The following MYO3B variants were observed in gnomAD, a reference collection of about 807,000 sequenced individuals.
The protein encoded by MYO3B is myosin-IIIb.
MYO3B carries 156 observed loss-of-function variants against 174.6 expected under a neutral mutation model. The ratio of observed to expected loss-of-function variants is 0.89; its 90% CI spans 0.78 to 1.02. The LOEUF (loss-of-function observed/expected upper bound fraction) is 1.02. Among genes scored for constraint, MYO3B ranks in the 50% least tolerant of loss-of-function variants. The pLI is 0.00. For missense variants in MYO3B, 1,632 were observed against 1,639.4 expected (o/e 1.00, Z 0.08); for synonymous variants, 563 against 569.1 (o/e 0.99, Z 0.15).
rs1004265426 is a variant in MYO3B, at chr2:170,439,742, G to A, written c.2651-4225G>A. On this transcript the variant is annotated intron_variant, in intron 22 of 34. Coordinates refer to ENST00000408978, the MANE Select transcript of MYO3B (RefSeq NM_138995.5). ...GTCGCCCAGGCTGGAATGCAGTGGTGCTATCCCTGTTCACTGCAAGCTCCA... is the reference window on the plus strand; with the variant it reads ...GTCGCCCAGGCTGGAATGCAGTGGTACTATCCCTGTTCACTGCAAGCTCCA... Among the ~76,000 whole-genome samples the A allele has an allele frequency of 2.0e-5, 3 of 152,254 alleles. No individual in the cohort carries two copies. In the East Asian group the frequency reaches 5.8e-4, roughly 29 times the overall value.
intron 25 of MYO3B, among the ~76,000 whole-genome samples, chr2:170,481,958 A>G (rs999108607): frequency 1.3e-5 from 2 of 152,106 alleles, no homozygotes; most frequent in African/African-American, 4.8e-5. Context: ...TACATTACGA[A>G]TGTTATAACC....
intron 24 of MYO3B, among the ~76,000 whole-genome samples, chr2:170,465,416 G>A (rs192092978): frequency 4.6e-4 from 70 of 152,266 alleles, no homozygotes; most frequent in African/African-American, 1.6e-3. Flanking sequence ...ACTCATTGCC[G>A]TGAGGACAGC....
chr2:170,209,393 T>C (rs775525035), intron 3 of MYO3B, among the ~76,000 whole-genome samples: 1 of 152,178 alleles, frequency 6.6e-6, no homozygotes, highest in Non-Finnish European at 1.5e-5. Flanking sequence ...GGGTCAGCAA[T>C]ATTCCAAGCA....
chr2:170,359,774 G>A (rs543485021), intron 8 of MYO3B, among the ~76,000 whole-genome samples: 130 of 152,174 alleles, frequency 8.5e-4, no homozygotes, highest in African/African-American at 3.0e-3. Flanking sequence ...TATTTACTTC[G>A]TCTGCGCTAT....
At chr2:170,214,984 G>C (rs1223016417) in intron 5 of MYO3B, among the ~76,000 whole-genome samples, 156 bp downstream of exon 5, 1 of 152,110 alleles carries the variant, frequency 6.6e-6, no homozygotes, top group African/African-American at 2.4e-5. Flanking sequence ...GGCTCCAGAT[G>C]GATCACCCTA....
intron 3 of MYO3B, among the ~76,000 whole-genome samples, chr2:170,203,538 C>A (rs1162641736): frequency 6.7e-6 from 1 of 149,524 alleles, no homozygotes; most frequent in Non-Finnish European, 1.5e-5. Context: ...AGACAGCAGA[C>A]AGAGAGACCG....
intron 13 of MYO3B, among the ~76,000 whole-genome samples, chr2:170,386,727 G>A (rs1335474718): frequency 6.6e-6 from 1 of 152,194 alleles, no homozygotes; most frequent in African/African-American, 2.4e-5. Context: ...CTGAATTAGT[G>A]TACTAGGTGA....
In MYO3B at chr2:170,499,643, C is replaced by T; in HGVS notation, c.3127-3C>T. On this transcript the variant is annotated splice_polypyrimidine_tract_variant and splice_region_variant and intron_variant, in intron 26 of 34. Coordinates refer to ENST00000408978, the MANE Select transcript of MYO3B (RefSeq NM_138995.5). ...TAATGCTAAAACTACTGTCTCGTTT[C>T]AGGTTTTTCTCAAATATTACCATGT... 1 of 1,613,868 alleles carries T rather than the reference C, an allele frequency of 6.2e-7. No individual in the cohort carries two copies. The highest frequency in any genetic ancestry group is 8.5e-7 in the Non-Finnish European group (1 of 1,179,840).
chr2:170,420,130 G>A (rs1209014334), intron 22 of MYO3B, among the ~76,000 whole-genome samples: 1 of 152,148 alleles, frequency 6.6e-6, no homozygotes, highest in Non-Finnish European at 1.5e-5. Context: ...GGAGGTGGCA[G>A]TGAGCCAAGA....
chr2:170,611,559 G>C (rs1199822162), intron 32 of MYO3B, among the ~76,000 whole-genome samples: 9 of 152,214 alleles, frequency 5.9e-5, no homozygotes, highest in Non-Finnish European at 2.9e-5. Flanking sequence ...GAAATCAGGA[G>C]TAGTTCAGTG....
At chr2:170,572,724 G>A (rs1247049857) in intron 32 of MYO3B, among the ~76,000 whole-genome samples, 1 of 151,966 alleles carries the variant, frequency 6.6e-6, no homozygotes, top group Admixed American at 6.6e-5. Context: ...CAACATGGCA[G>A]ATATTCCACT....
intron 32 of MYO3B, among the ~76,000 whole-genome samples, chr2:170,633,436 A>C (rs867394119): frequency 1.1e-4 from 17 of 151,954 alleles, no homozygotes; most frequent in Middle Eastern, 3.4e-3. Flanking sequence ...CATGCTAAAA[A>C]CTCTCAATAA....
chr2:170,421,601 A>G (rs201802490), intron 22 of MYO3B, among the ~76,000 whole-genome samples: 2 of 152,208 alleles, frequency 1.3e-5, no homozygotes, highest in East Asian at 3.9e-4. Context: ...TGGGAGGACC[A>G]GAAGCTTTAT....
intron 14 of MYO3B, among the ~76,000 whole-genome samples, chr2:170,389,876 C>T (rs1320316123): frequency 3.3e-5 from 5 of 152,118 alleles, no homozygotes; most frequent in Admixed American, 1.3e-4. Context: ...TACCGTTATT[C>T]TCCATCACCA....
At chr2:170,190,508 C>G (rs2092527294) in intron 1 of MYO3B, among the ~76,000 whole-genome samples, 1 of 152,146 alleles carries the variant, frequency 6.6e-6, no homozygotes, top group African/African-American at 2.4e-5. Context: ...AGTCAGAAAC[C>G]TTAGGGATGT....
At position 170,437,671 on chromosome 2, in the gene MYO3B, T is replaced by C. The variant is rs78083550; in HGVS notation, c.2651-6296T>C. Among the ~76,000 whole-genome samples, 7 of 152,340 alleles carry C rather than the reference T, an allele frequency of 4.6e-5. No individual in the cohort carries two copies. The East Asian group carries it at 1.3e-3, about 29-fold the overall frequency. ...ACTAAAACTTACATTAAGTAAATTT[T>C]TATGCTTTTCACTTAGTAATCTGTC... On this transcript the variant is annotated intron_variant, in intron 22 of 34. Transcript: ENST00000408978.
chr2:170,410,742 G>C (rs1222986063), intron 22 of MYO3B, among the ~76,000 whole-genome samples: 3 of 152,170 alleles, frequency 2.0e-5, no homozygotes, highest in Admixed American at 2.0e-4. Flanking sequence ...TCTGGCTCCT[G>C]ATCTTGGTGG....
chr2:170,582,385 CACTG>C (rs1484990322), intron 32 of MYO3B, among the ~76,000 whole-genome samples: 1 of 152,314 alleles, frequency 6.6e-6, no homozygotes, highest in East Asian at 1.9e-4. Context: ...AGGGAAGCAG[CACTG>C]TTTGCAGGGA....
intron 23 of MYO3B, among the ~76,000 whole-genome samples, chr2:170,461,231 T>C (rs1237876094): frequency 3.9e-5 from 6 of 151,990 alleles, no homozygotes; most frequent in African/African-American, 1.2e-4. Flanking sequence ...TCCCAGCACT[T>C]TGGGAGGCCG....
Sources: allele counts gnomAD v4.1 joint callset (sites outside exome capture counted in the v4.1 genomes callset), GRCh38; gene constraint gnomAD v4.1.1; transcripts MANE v1.5; gene names NCBI Gene and HGNC (gene_info 2026-07-23, HGNC 2026-07-21).